Variants in POLDIP2 observed in about 807,000 individuals in gnomAD.
The protein encoded by POLDIP2 is polymerase delta-interacting protein 2.
A neutral mutation model predicts 52.9 loss-of-function variants in POLDIP2; 32 were observed. The observed-to-expected ratio is 0.61, with a 90% CI of 0.46 to 0.81. The LOEUF (loss-of-function observed/expected upper bound fraction) is 0.81. Ranked by LOEUF, POLDIP2 falls within the 40% of genes least tolerant of loss-of-function variation. The pLI is 0.00. For missense variants in POLDIP2, 371 were observed against 477.3 expected, an observed-to-expected ratio of 0.78 and a Z score of 2.07; for synonymous variants, 183 against 183.0, an observed-to-expected ratio of 1.00 and a Z score of 0.00.
intron 6 of POLDIP2, among the ~76,000 whole-genome samples, chr17:28,352,608 G>A (rs1907850007): frequency 6.9e-6 from 1 of 144,622 alleles, no homozygotes; most frequent in Admixed American, 7.3e-5. Flanking sequence ...TGCAATCTCG[G>A]CTCACTGCAA....
In POLDIP2 at chr17:28,357,470, G is replaced by T. The variant is rs545147888; in HGVS notation, c.-22C>A. 4.2e-6 allele frequency: 6 copies of T among 1,427,088 alleles called. No individual in the cohort carries two copies. The East Asian group carries it at 8.2e-5, about 20-fold the overall frequency. 88.4% of individuals were successfully genotyped at this position (1,427,088 alleles called of 1,614,324 possible). Reference sequence around the variant, plus strand: ...CCATGTCCCGCCCGAGCGCCCGCCCGGCTGCTGACACAGAGCCCGACCCGC... The same window carrying T: ...CCATGTCCCGCCCGAGCGCCCGCCCTGCTGCTGACACAGAGCCCGACCCGC... On this transcript the variant is annotated 5_prime_UTR_variant, in exon 1 of 11. Transcript: ENST00000540200.
At chr17:28,350,745 C>T (rs1907766607) in intron 8 of POLDIP2, 21 bp downstream of exon 8, 2 of 1,596,812 alleles carry the variant, frequency 1.3e-6, no homozygotes, top group South Asian at 2.3e-5. Context: ...AGCTCCCCTT[C>T]TCCCAGACAG....
At chr17:28,356,274 A>G (rs1055962369) in intron 1 of POLDIP2, among the ~76,000 whole-genome samples, 5 of 151,636 alleles carry the variant, frequency 3.3e-5, no homozygotes, top group African/African-American at 9.7e-5. Context: ...TACATTTTCT[A>G]TATCACAAGT....
intron 9 of POLDIP2, 92 bp from the exon 10 acceptor site, chr17:28,349,254 A>G (rs1264799303): frequency 5.9e-6 from 5 of 853,244 alleles, no homozygotes; most frequent in Non-Finnish European, 9.4e-6. Context: ...GTTCATCAAG[A>G]CTGGATGTCC....
chr17:28,352,785 T>C (rs1907857522), intron 6 of POLDIP2, 127 bp downstream of exon 6: 2 of 614,714 alleles, frequency 3.3e-6, no homozygotes. Context: ...ATGATCCACC[T>C]GCCTGGGCCT....
intron 6 of POLDIP2, 98 bp from the exon 7 acceptor site, chr17:28,351,898 A>G: frequency 8.6e-7 from 1 of 1,161,208 alleles, no homozygotes; most frequent in Non-Finnish European, 1.3e-6. Context: ...CCCCTCCTAG[A>G]AAACCCTCCC....
chr17:28,356,146 T>G (rs145719444), intron 1 of POLDIP2, among the ~76,000 whole-genome samples: 8 of 151,990 alleles, frequency 5.3e-5, no homozygotes, highest in Admixed American at 1.3e-4. Flanking sequence ...TCTGCTCAAA[T>G]GTACCCCTGC....
chr17:28,350,392 C>G, intron 9 of POLDIP2, 46 bp downstream of exon 9: 1 of 1,555,682 alleles, frequency 6.4e-7, no homozygotes, highest in Non-Finnish European at 8.7e-7. Context: ...GCTAAGCCCC[C>G]AGGCTTGCCA....
At chr17:28,357,209 C>A in intron 1 of POLDIP2, 79 bp downstream of exon 1, 3 of 1,347,236 alleles carry the variant, frequency 2.2e-6, no homozygotes, top group Non-Finnish European at 3.0e-6. Context: ...GGCCCGGGCC[C>A]CTGGCCTCCG....
rs782410410 is a variant in POLDIP2, at chr17:28,357,429, C to T, written c.20G>A (p.Arg7Gln). 1 of 1,490,572 alleles carries T rather than the reference C, an allele frequency of 6.7e-7. No individual in the cohort carries two copies. The highest frequency in any genetic ancestry group is 2.7e-5 in the East Asian group (1 of 36,790). The allele number at this position is 1,490,572 out of a possible 1,614,324, so 92.3% of individuals were successfully genotyped here. ...GCGGCTGCCCACGGCCAGGGCCCGC[C>T]GGGCTGTACAGGCTGCCATGTCCCG... MAACTA[R>Q]RALAVGSRWW... Residue 7 changes from arginine (R) to glutamine (Q), a missense_variant, in exon 1 of 11, where the codon CGG becomes CAG. Arg to Gln is a conservative substitution (Grantham distance 43). Coordinates refer to ENST00000540200, the MANE Select transcript of POLDIP2 (RefSeq NM_015584.5).
chr17:28,353,699 T>C lies in POLDIP2; in HGVS notation c.434A>G (p.His145Arg). The stretch of plus-strand genomic sequence containing the variant: ...CCAGCCATCTTGCTTACTTACTATA[T>C]GTGGGCAGTCACGAGCATCAATCAG... ...QVLIDARDCP[H>R]ISQRSQTEAV... The change falls in exon 4 of 11, where the codon CAT becomes CGT. Residue 145 changes from histidine to arginine, a missense_variant. By Grantham distance (29) the His-to-Arg change is conservative (BLOSUM62 0). Transcript: ENST00000540200. 2 of 1,608,110 alleles carry C rather than the reference T, an allele frequency of 1.2e-6. No homozygotes were observed. Among genetic ancestry groups the C allele is most frequent in the Non-Finnish European group, 1.7e-6 (2 of 1,175,104 alleles).
chr17:28,354,525 G>T lies in POLDIP2; in HGVS notation c.304C>A (p.Leu102Met). 6.4e-7 allele frequency: 1 copy of T among 1,561,566 alleles called. No homozygotes were observed. The highest frequency in any genetic ancestry group is 8.7e-7 in the Non-Finnish European group (1 of 1,152,734). ...GVVLFPWQAR[L>M]YDRDVASAAP... Reference sequence around the variant, plus strand: ...GCAGAAGCCACATCCCGGTCATACAGTCTGGCCTGCCAGGGAAACAGGACG... The same window carrying T: ...GCAGAAGCCACATCCCGGTCATACATTCTGGCCTGCCAGGGAAACAGGACG... Residue 102 changes from leucine to methionine, a missense_variant, in exon 3 of 11, where the codon CTG (leucine) becomes ATG (methionine). By Grantham distance (15) the Leu-to-Met change is conservative. Transcript: ENST00000540200.
rs368113176 is a variant in POLDIP2, at chr17:28,351,775, C to T, written c.648G>A (p.Thr216=). ...GATTCTTCTCTTGCCAGGCCCTTAG[C>T]GTCTCCCGAGCCACAAAAGGAGGTG... is the stretch of plus-strand genomic sequence containing the variant. The part of the protein sequence containing the change: ...TKAPPFVARE[T]LRAWQEKNHP... Residue 216 remains threonine, a synonymous_variant, in exon 7 of 11, where the codon ACG becomes ACA. Coordinates refer to ENST00000540200, the MANE Select transcript of POLDIP2 (RefSeq NM_015584.5). The T allele has an allele frequency of 1.5e-5, 24 of 1,613,462 alleles. No homozygotes were observed. The highest frequency in any genetic ancestry group is 1.3e-4 in the South Asian group (12 of 91,056).
At chr17:28,353,490 C>G (rs1226686461) in intron 4 of POLDIP2, among the ~76,000 whole-genome samples, 174 bp from the exon 5 acceptor site, 2 of 100,642 alleles carry the variant, frequency 2.0e-5, no homozygotes, top group Non-Finnish European at 3.9e-5. Flanking sequence ...CCACTGCACT[C>G]CAGCCTGGCG....
intron 10 of POLDIP2, among the ~76,000 whole-genome samples, chr17:28,348,533 A>G (rs891694091): frequency 6.6e-6 from 1 of 152,188 alleles, no homozygotes; most frequent in Non-Finnish European, 1.5e-5. Flanking sequence ...ACCAACATGG[A>G]GAAACCCCGT....
chr17:28,347,900 G>A lies in POLDIP2; in HGVS notation c.*217C>T. Reference sequence around the variant, plus strand: ...TTGGTGGAGAGGTTTACTGGAACATGGTGTAGGCAGGGCTTATGAGGAGGC... The same window carrying A: ...TTGGTGGAGAGGTTTACTGGAACATAGTGTAGGCAGGGCTTATGAGGAGGC... On this transcript the variant is annotated 3_prime_UTR_variant, in exon 11 of 11. Transcript: ENST00000540200. The A allele has an allele frequency of 3.7e-6, 2 of 544,808 alleles. No homozygotes were observed. The highest frequency in any genetic ancestry group is 6.5e-6 in the Non-Finnish European group (2 of 305,720). The allele number at this position is 544,808 out of a possible 1,614,324, so 33.7% of individuals were successfully genotyped here.
chr17:28,357,066 C>G (rs372593881), intron 1 of POLDIP2, among the ~76,000 whole-genome samples: 41 of 152,374 alleles, frequency 2.7e-4, no homozygotes, highest in Non-Finnish European at 4.4e-4. Context: ...CCTGTTCCCC[C>G]CCAGGGCCAG....
chr17:28,355,463 C>T (rs1191712963), intron 2 of POLDIP2, among the ~76,000 whole-genome samples: 2 of 152,012 alleles, frequency 1.3e-5, no homozygotes, highest in Non-Finnish European at 2.9e-5. Flanking sequence ...CAAAATTAGC[C>T]AAGTGTGGTG....
chr17:28,357,064 C>A (rs1381417204), intron 1 of POLDIP2, among the ~76,000 whole-genome samples: 1 of 152,256 alleles, frequency 6.6e-6, no homozygotes, highest in African/African-American at 2.4e-5. Context: ...AACCTGTTCC[C>A]CCCCAGGGCC....
Sources: gnomAD v4.1 joint callset for allele counts (sites outside exome capture counted in the v4.1 genomes callset) on GRCh38, gnomAD v4.1.1 for gene constraint, MANE v1.5 for transcripts, NCBI Gene and HGNC (gene_info 2026-07-23, HGNC 2026-07-21) for gene names.